Variants in AOPEP observed in about 807,000 individuals in gnomAD.
AOPEP encodes aminopeptidase O (putative).
In AOPEP, 77 loss-of-function variants were observed where a neutral mutation model predicts 98.1. The observed-to-expected ratio is 0.78, with a 90% confidence interval of 0.65 to 0.95. AOPEP has a LOEUF of 0.95. AOPEP is among the 40% of genes least tolerant of loss of function. The pLI is 0.00. For missense variants in AOPEP, 1,024 were observed against 1,024.7 expected (o/e 1.00, Z 0.01); for synonymous variants, 346 against 365.3 (o/e 0.95, Z 0.60).
At chr9:95,117,463 G>A in the AOPEP span, 1 of 1,271,260 alleles carries the variant, frequency 7.9e-7, no homozygotes, top group Non-Finnish European at 1.1e-6. Flanking sequence ...ACAAAACTCT[G>A]AGTCCTCTGC....
chr9:95,042,719 G>T (rs1179027159), intron 13 of AOPEP, among the ~76,000 whole-genome samples: 1 of 152,114 alleles, frequency 6.6e-6, no homozygotes, highest in Non-Finnish European at 1.5e-5. Flanking sequence ...TTCTCACACT[G>T]CTGTCTTTTT....
chr9:94,896,166 G>C (rs543141575), intron 5 of AOPEP, among the ~76,000 whole-genome samples: 1 of 152,102 alleles, frequency 6.6e-6, no homozygotes, highest in Non-Finnish European at 1.5e-5. Context: ...AATACAACTC[G>C]ATAAGATGGA....
chr9:95,086,206 C>T, intron 16 of AOPEP: 1 of 1,288,116 alleles, frequency 7.8e-7, no homozygotes, highest in South Asian at 1.2e-5. Flanking sequence ...GGCCCGGCGG[C>T]AGCACGGTGC....
At chr9:94,893,925 C>T (rs367926324) in intron 5 of AOPEP, among the ~76,000 whole-genome samples, 6 of 152,224 alleles carry the variant, frequency 3.9e-5, no homozygotes, top group Non-Finnish European at 8.8e-5. Context: ...ATCAGTTCCT[C>T]AAAAGTAGAA....
intron 5 of AOPEP, among the ~76,000 whole-genome samples, chr9:94,844,823 A>C (rs1172413160): frequency 6.6e-6 from 1 of 152,134 alleles, no homozygotes; most frequent in African/African-American, 2.4e-5. Context: ...AGCAGGCCGG[A>C]TGTGGGCTGT....
At chr9:94,853,213 A>G (rs1200422917) in intron 5 of AOPEP, among the ~76,000 whole-genome samples, 1 of 152,228 alleles carries the variant, frequency 6.6e-6, no homozygotes, top group Non-Finnish European at 1.5e-5. Context: ...TAATCCCAGC[A>G]GTTTGGGAGG....
chr9:94,825,953 T>C (rs536330065), intron 5 of AOPEP, among the ~76,000 whole-genome samples: 252 of 152,354 alleles, frequency 1.7e-3, no homozygotes, highest in Middle Eastern at 3.4e-3. Context: ...TTTATAACTG[T>C]TGTTACAAGG....
chr9:94,803,331 A>G (rs990894532), intron 5 of AOPEP, among the ~76,000 whole-genome samples: 1 of 152,204 alleles, frequency 6.6e-6, no homozygotes, highest in Non-Finnish European at 1.5e-5. Flanking sequence ...AATGAATACC[A>G]TTTTATACCA....
At chr9:95,083,756 A>G (rs908205292) in intron 16 of AOPEP, among the ~76,000 whole-genome samples, 1 of 152,260 alleles carries the variant, frequency 6.6e-6, no homozygotes, top group Non-Finnish European at 1.5e-5. Context: ...CCCGCGGCGC[A>G]CACAGCACAC....
At chr9:94,900,443 AG>A (rs1417403998) in intron 5 of AOPEP, 1 of 152,210 alleles carries the variant, frequency 6.6e-6, no homozygotes, top group Non-Finnish European at 1.5e-5. Flanking sequence ...GCGATTATTC[AG>A]CCCTTCGGGA....
chr9:94,737,029 G>A (rs1302008444), intron 1 of AOPEP, among the ~76,000 whole-genome samples: 1 of 152,224 alleles, frequency 6.6e-6, no homozygotes, highest in African/African-American at 2.4e-5. Flanking sequence ...CCTTTGGGTA[G>A]TAGTGGGGAG....
intron 1 of AOPEP, among the ~76,000 whole-genome samples, chr9:94,742,778 G>A (rs972738632): frequency 2.0e-5 from 3 of 152,018 alleles, no homozygotes; most frequent in African/African-American, 7.2e-5. Flanking sequence ...TTATATTTAT[G>A]TTGAATCTAA....
chr9:95,145,707 A>G, the AOPEP span, among the ~76,000 whole-genome samples: 1 of 152,198 alleles, frequency 6.6e-6, no homozygotes, highest in Admixed American at 6.5e-5. Context: ...GAGAACCAGA[A>G]CAGAAGGTAA....
rs542189612 is a variant in AOPEP, at chr9:94,969,136, C to CCT, written c.1916+1336_1916+1337insTC. Among the ~76,000 whole-genome samples, 93 of 152,150 alleles carry CCT rather than the reference C, an allele frequency of 6.1e-4. No individual in the cohort carries two copies. The East Asian group carries it at 0.013, about 22-fold the overall frequency. On this transcript the variant is annotated intron_variant, in intron 10 of 16. Transcript: ENST00000375315. The stretch of plus-strand genomic sequence containing the variant: ...TGTTACAAATGGGGAAACTGAGACT[C>CCT]CAAGATCACTCAGCAAGCAAAACAG...
chr9:95,064,106 G>T (rs2067612293), intron 14 of AOPEP, among the ~76,000 whole-genome samples: 1 of 152,176 alleles, frequency 6.6e-6, no homozygotes, highest in Non-Finnish European at 1.5e-5. Flanking sequence ...GCAAGTGAAT[G>T]TGAGGAAACA....
chr9:94,742,284 T>C (rs1293264942), intron 1 of AOPEP, among the ~76,000 whole-genome samples: 24 of 152,154 alleles, frequency 1.6e-4, no homozygotes, highest in Admixed American at 1.6e-3. Flanking sequence ...GTTGAGGGGA[T>C]GGTAGCAGAC....
At chr9:95,041,509 A>G (rs942615920) in intron 13 of AOPEP, among the ~76,000 whole-genome samples, 4 of 151,138 alleles carry the variant, frequency 2.6e-5, no homozygotes, top group African/African-American at 9.7e-5. Context: ...AAAAAGTACA[A>G]TAAGCCAGTT....
intron 13 of AOPEP, among the ~76,000 whole-genome samples, chr9:95,017,980 A>T (rs2063147463): frequency 6.6e-6 from 1 of 151,696 alleles, no homozygotes; most frequent in African/African-American, 2.4e-5. Flanking sequence ...TTTATTTTAA[A>T]GTAGTTTTGC....
At chr9:94,749,970 C>T (rs1467944745) in intron 1 of AOPEP, among the ~76,000 whole-genome samples, 1 of 152,128 alleles carries the variant, frequency 6.6e-6, no homozygotes, top group Non-Finnish European at 1.5e-5. Flanking sequence ...ACTCTGGATT[C>T]TGTTATGTTC....
Sources: allele counts gnomAD v4.1 joint callset (sites outside exome capture counted in the v4.1 genomes callset), GRCh38; gene constraint gnomAD v4.1.1; transcripts MANE v1.5; gene names NCBI Gene and HGNC (gene_info 2026-07-23, HGNC 2026-07-21).